Variants in RAB31 observed in about 807,000 individuals in gnomAD.
RAB31 encodes the protein ras-related protein Rab-31.
Under a neutral mutation model 25.6 loss-of-function variants are expected in RAB31, and 21 were observed. The observed-to-expected ratio is 0.82, with a 90% CI of 0.58 to 1.18. The LOEUF (loss-of-function observed/expected upper bound fraction) is 1.18. Among genes scored for constraint, RAB31 ranks in the 50% most tolerant of loss-of-function variants. RAB31 has a pLI of 0.00. For missense variants in RAB31, 196 were observed against 250.1 expected (o/e 0.78, Z 1.46); for synonymous variants, 87 against 84.0 (o/e 1.04, Z -0.20).
intron 1 of RAB31, among the ~76,000 whole-genome samples, chr18:9,725,563 T>C (rs1300360804): frequency 6.6e-6 from 1 of 152,254 alleles, no homozygotes; most frequent in Non-Finnish European, 1.5e-5. Context: ...CCAGTTATTT[T>C]TGTTATTGTT....
intron 5 of RAB31, among the ~76,000 whole-genome samples, chr18:9,842,404 A>G (rs908689707): frequency 7.9e-5 from 12 of 152,282 alleles, no homozygotes; most frequent in South Asian, 2.1e-4. Context: ...CTCTTCAAGA[A>G]TACCAGAAGA....
chr18:9,721,209 T>A (rs2068072007), intron 1 of RAB31, among the ~76,000 whole-genome samples: 1 of 152,248 alleles, frequency 6.6e-6, no homozygotes, highest in African/African-American at 2.4e-5. Flanking sequence ...AATAAAAGTA[T>A]ATCCTGTATC....
chr18:9,794,692 G>A (rs1444583745), intron 3 of RAB31, among the ~76,000 whole-genome samples: 1 of 152,094 alleles, frequency 6.6e-6, no homozygotes, highest in African/African-American at 2.4e-5. Context: ...GCACATACCT[G>A]TAGTCCCAAC....
At chr18:9,771,201 G>C (rs553582062) in intron 1 of RAB31, among the ~76,000 whole-genome samples, 3 of 152,192 alleles carry the variant, frequency 2.0e-5, no homozygotes, top group South Asian at 2.1e-4. Context: ...TGTACACTTA[G>C]CAGGGAAGTT....
chr18:9,759,565 AG>A (rs145711163), intron 1 of RAB31, among the ~76,000 whole-genome samples: 19,867 of 151,598 alleles, frequency 0.13, 1,339 homozygotes, highest in East Asian at 0.18. Flanking sequence ...CTGCTCACAA[AG>A]GTTTCCATAT....
chr18:9,710,218 G>A (rs904774929), intron 1 of RAB31, among the ~76,000 whole-genome samples: 1 of 152,162 alleles, frequency 6.6e-6, no homozygotes, highest in Non-Finnish European at 1.5e-5. Context: ...GAGCTGTGTC[G>A]TTTTAGCAAA....
chr18:9,846,807 T>C (rs145526048), intron 6 of RAB31, among the ~76,000 whole-genome samples: 57 of 152,330 alleles, frequency 3.7e-4, no homozygotes, highest in Non-Finnish European at 7.5e-4. Context: ...GGAGAATTCA[T>C]TGGAGATGGG....
chr18:9,849,492 ATACTG>A (rs1318008727), intron 6 of RAB31: 21 of 152,380 alleles, frequency 1.4e-4, no homozygotes, highest in Non-Finnish European at 1.8e-4. Context: ...TCACAAATAT[ATACTG>A]TACTCTTTTA....
intron 3 of RAB31, among the ~76,000 whole-genome samples, chr18:9,803,176 G>A (rs985566783): frequency 4.0e-5 from 6 of 151,820 alleles, no homozygotes; most frequent in South Asian, 2.1e-4. Context: ...GTACATGCGA[G>A]TTTTTGCTCT....
chr18:9,850,373 C>T (rs1039825656), intron 6 of RAB31, among the ~76,000 whole-genome samples: 1 of 152,204 alleles, frequency 6.6e-6, no homozygotes, highest in Admixed American at 6.5e-5. Flanking sequence ...GGTCCTCCCG[C>T]CTTGGCTTCC....
chr18:9,793,230 C>T (rs1354552108), intron 3 of RAB31, among the ~76,000 whole-genome samples: 1 of 150,078 alleles, frequency 6.7e-6, no homozygotes, highest in East Asian at 2.0e-4. Flanking sequence ...CAAGCCACTG[C>T]ACCTGGCTGA....
At chr18:9,746,032 A>C (rs1250234717) in intron 1 of RAB31, among the ~76,000 whole-genome samples, 4 of 152,266 alleles carry the variant, frequency 2.6e-5, no homozygotes, top group African/African-American at 7.2e-5. Context: ...CAAAGAATTC[A>C]CAAAAAACAA....
intron 1 of RAB31, among the ~76,000 whole-genome samples, chr18:9,742,502 T>C (rs1364748341): frequency 6.6e-6 from 1 of 152,238 alleles, no homozygotes. Context: ...GTTTCCACGC[T>C]AGGGACGTTC....
At chr18:9,784,490 G>C (rs1377516071) in intron 2 of RAB31, among the ~76,000 whole-genome samples, 1 of 151,842 alleles carries the variant, frequency 6.6e-6, no homozygotes, top group East Asian at 1.9e-4. Context: ...ATAACATGAT[G>C]TATGATCTTC....
At chr18:9,752,611 C>T (rs1284967042) in intron 1 of RAB31, among the ~76,000 whole-genome samples, 3 of 152,364 alleles carry the variant, frequency 2.0e-5, no homozygotes, top group Non-Finnish European at 2.9e-5. Context: ...ATCCCATTGA[C>T]GTCTGTGTTG....
At chr18:9,798,325 T>A (rs555323620) in intron 3 of RAB31, among the ~76,000 whole-genome samples, 2,844 of 152,260 alleles carry the variant, frequency 0.019, 99 homozygotes, top group African/African-American at 0.065. Context: ...GAGTCTTGCA[T>A]CTCTCCAGTA....
chr18:9,784,192 G>A (rs1471855027), intron 2 of RAB31, among the ~76,000 whole-genome samples: 2 of 132,968 alleles, frequency 1.5e-5, no homozygotes, highest in Non-Finnish European at 3.1e-5. Context: ...AAAAGCCACT[G>A]TGCCTGGCTG....
intron 2 of RAB31, among the ~76,000 whole-genome samples, chr18:9,783,269 C>T (rs532094776): frequency 6.6e-6 from 1 of 152,282 alleles, no homozygotes; most frequent in Non-Finnish European, 1.5e-5. Flanking sequence ...GCTTTACGGG[C>T]TGGTTCATTG....
At chr18:9,752,626 A>C (rs538130885) in intron 1 of RAB31, among the ~76,000 whole-genome samples, 98 of 152,230 alleles carry the variant, frequency 6.4e-4, no homozygotes, top group South Asian at 2.1e-3. Context: ...GTGTTGGGTG[A>C]CTCAGTATTG....
Sources: allele counts gnomAD v4.1 joint callset (sites outside exome capture counted in the v4.1 genomes callset), GRCh38; gene constraint gnomAD v4.1.1; transcripts MANE v1.5; gene names NCBI Gene and HGNC (gene_info 2026-07-23, HGNC 2026-07-21).